Variants in C8A observed in about 807,000 individuals in gnomAD.
C8A encodes the protein complement component C8 alpha chain.
A neutral mutation model predicts 65.3 loss-of-function variants in C8A; 67 were observed. The observed-to-expected ratio is 1.03, with a 90% CI of 0.84 to 1.26. The LOEUF (loss-of-function observed/expected upper bound fraction) is 1.26, where lower values mean the gene tolerates loss of function less well. Ranked by LOEUF, C8A falls within the 50% of genes most tolerant of loss-of-function variation. The pLI is 0.00. For synonymous variants in C8A, 290 were observed against 259.4 expected (o/e 1.12, Z -1.13); for missense variants, 781 against 723.9 (o/e 1.08, Z -0.90).
At chr1:56,878,049 C>T (rs591916) in intron 4 of C8A, among the ~76,000 whole-genome samples, 3,718 of 152,250 alleles carry the variant, frequency 0.024, 131 homozygotes, top group East Asian at 0.16. Context: ...AGTCTGAAGT[C>T]AGGGTGTCAG....
Position 56,917,621 on chromosome 1 carries a change from G to A in C8A, c.1660G>A (p.Gly554Ser). ...CWSSWSVCRA[G>S]IQERRRECDN... is the part of the protein sequence containing the mutation. ...GAGCTCCTGGTCTGTATGCAGAGCA[G>A]GCATCCAGGAAAGGAGAAGAGAGTG... Residue 554 changes from glycine to serine, a missense_variant, in exon 11 of 11, where the codon GGC becomes AGC. Physicochemically the swap from Gly to Ser is moderately conservative, Grantham distance 56. Transcript: ENST00000361249. The A allele has an allele frequency of 1.9e-6, 3 of 1,614,156 alleles. No homozygotes were observed. The highest frequency in any genetic ancestry group is 2.5e-6 in the Non-Finnish European group (3 of 1,180,006).
At chr1:56,898,377 G>A (rs180813006) in intron 7 of C8A, among the ~76,000 whole-genome samples, 35 of 152,222 alleles carry the variant, frequency 2.3e-4, no homozygotes, top group Admixed American at 6.5e-4. Context: ...GCATTTCAGT[G>A]AGCATGCACA....
intron 2 of C8A, among the ~76,000 whole-genome samples, chr1:56,873,248 A>G (rs900730739): frequency 5.9e-5 from 9 of 152,230 alleles, no homozygotes; most frequent in African/African-American, 2.2e-4. Context: ...GATAACAGTA[A>G]CAATGTGAAA....
Position 56,912,506 on chromosome 1 carries a change from A to G in C8A, c.1484A>G (p.Asn495Ser), listed in dbSNP as rs1244010049. ...RALDQYLMEF[N>S]ACRCGPCFNN... The stretch of plus-strand genomic sequence containing the variant: ...TTGGACCAGTATCTGATGGAATTCA[A>G]TGCCTGCCGATGTGGGCCTTGCTTC... The change falls in exon 10 of 11, where the codon AAT becomes AGT. Residue 495 changes from asparagine to serine, a missense_variant. Asn to Ser is a conservative substitution (Grantham distance 46). Transcript: ENST00000361249. 1.2e-6 allele frequency: 2 copies of G among 1,614,202 alleles called. No homozygotes were observed. Among genetic ancestry groups the G allele is most frequent in the Non-Finnish European group, 8.5e-7 (1 of 1,180,018 alleles).
chr1:56,913,453 T>A (rs1297816982), intron 10 of C8A, among the ~76,000 whole-genome samples: 1 of 152,210 alleles, frequency 6.6e-6, no homozygotes, highest in Non-Finnish European at 1.5e-5. Context: ...GGAAGAAAGT[T>A]ATCAAACAAG....
chr1:56,876,258 C>T (rs752040332), intron 4 of C8A, 49 bp downstream of exon 4: 1 of 1,609,776 alleles, frequency 6.2e-7, no homozygotes, highest in South Asian at 1.1e-5. Flanking sequence ...GATTTGTCTT[C>T]AATCGTGAGC....
chr1:56,911,155 C>T (rs920744866), intron 9 of C8A, among the ~76,000 whole-genome samples: 9 of 150,310 alleles, frequency 6.0e-5, no homozygotes, highest in African/African-American at 1.7e-4. Context: ...TAGTATCTCA[C>T]ATTCAGTACT....
At chr1:56,898,153 T>A (rs2101278505) in intron 7 of C8A, among the ~76,000 whole-genome samples, 1 of 152,184 alleles carries the variant, frequency 6.6e-6, no homozygotes. Context: ...CCAGATTCAC[T>A]CAAAGGTTGG....
chr1:56,875,022 C>T lies in C8A; in HGVS notation c.245C>T (p.Ala82Val). The change falls in exon 3 of 11, where the codon GCC becomes GTC. Residue 82 changes from alanine (A) to valine (V), a missense_variant. Transcript: ENST00000361249. ...TICSGDIWDQ[A>V]SCSSSTTCVR... ...TGCAGTGGTGACATCTGGGATCAAG[C>T]CAGCTGCTCCAGTTCTACAACTTGT... The T allele has an allele frequency of 1.2e-6, 2 of 1,613,752 alleles. No individual in the cohort carries two copies. Among genetic ancestry groups the T allele is most frequent in the Non-Finnish European group, 1.7e-6 (2 of 1,179,792 alleles).
At position 56,881,558 on chromosome 1, in the gene C8A, C is replaced by T. The variant is rs1361838863; in HGVS notation, c.578C>T (p.Thr193Ile). The T allele has an allele frequency of 1.2e-6, 2 of 1,613,750 alleles. No individual in the cohort carries two copies. Among genetic ancestry groups the T allele is most frequent in the Admixed American group, 1.7e-5 (1 of 59,982 alleles). Residue 193 changes from threonine to isoleucine, a missense_variant, in exon 5 of 11, where the codon ACC becomes ATC. By Grantham distance (89) the Thr-to-Ile change is moderately conservative. Coordinates refer to ENST00000361249, the MANE Select transcript of C8A (RefSeq NM_000562.3). ...GEWRELRYDS[T>I]CERLYYGDDE... ...TGGAGGGAGCTTCGATATGACTCCACCTGTGAACGTCTCTACTATGGAGAT... is the reference window on the plus strand; with the variant it reads ...TGGAGGGAGCTTCGATATGACTCCATCTGTGAACGTCTCTACTATGGAGAT...
At chr1:56,878,207 T>C (rs2101224064) in intron 4 of C8A, among the ~76,000 whole-genome samples, 1 of 152,242 alleles carries the variant, frequency 6.6e-6, no homozygotes, top group Admixed American at 6.5e-5. Flanking sequence ...CAGCCCACCA[T>C]AATGACCTCA....
chr1:56,866,168 A>G (rs1424829587), intron 1 of C8A, among the ~76,000 whole-genome samples: 1 of 152,234 alleles, frequency 6.6e-6, no homozygotes, highest in Non-Finnish European at 1.5e-5. Flanking sequence ...TTTTCTTCAT[A>G]GATTTCAACC....
At chr1:56,880,242 G>A (rs1438407020) in intron 4 of C8A, among the ~76,000 whole-genome samples, 1 of 151,934 alleles carries the variant, frequency 6.6e-6, no homozygotes, top group African/African-American at 2.4e-5. Context: ...ACCTGAATAT[G>A]GTAAAACCAT....
In C8A at chr1:56,874,851, T is replaced by C. The variant is rs993638042; in HGVS notation, c.172-98T>C. 11 of 1,322,948 alleles carry C rather than the reference T, an allele frequency of 8.3e-6. No individual in the cohort carries two copies. The African/African-American group carries it at 1.2e-4, about 14-fold the overall frequency. 82.0% of individuals were successfully genotyped at this position (1,322,948 alleles called of 1,614,324 possible). ...TCACAGGCAGGTCTCAATCATTAGATAATTATTTCTTATGTTGAGCCGAAA... is the reference window on the plus strand; with the variant it reads ...TCACAGGCAGGTCTCAATCATTAGACAATTATTTCTTATGTTGAGCCGAAA... On this transcript the variant is annotated intron_variant, in intron 2 of 10. Coordinates refer to ENST00000361249, the MANE Select transcript of C8A (RefSeq NM_000562.3).
intron 5 of C8A, among the ~76,000 whole-genome samples, chr1:56,881,918 C>A (rs1644252036): frequency 6.6e-6 from 1 of 152,126 alleles, no homozygotes; most frequent in African/African-American, 2.4e-5. Flanking sequence ...CAACCTATTT[C>A]TAAGTTGTGG....
chr1:56,910,328 C>CT (rs1293569657), intron 9 of C8A, among the ~76,000 whole-genome samples: 1 of 152,156 alleles, frequency 6.6e-6, no homozygotes, highest in Non-Finnish European at 1.5e-5. Flanking sequence ...ACCTCTGAGT[C>CT]TTTTTTCTCA....
chr1:56,906,351 G>A (rs1301465488), intron 7 of C8A, among the ~76,000 whole-genome samples: 1 of 152,154 alleles, frequency 6.6e-6, no homozygotes, highest in Non-Finnish European at 1.5e-5. Context: ...CACTGAGGTA[G>A]GCATGGGGGC....
intron 4 of C8A, among the ~76,000 whole-genome samples, chr1:56,880,718 AC>A: frequency 6.6e-6 from 1 of 152,292 alleles, no homozygotes; most frequent in African/African-American, 2.4e-5. Flanking sequence ...TATACTTAAT[AC>A]TAACAATTGC....
At chr1:56,910,492 G>T (rs766394312) in intron 9 of C8A, among the ~76,000 whole-genome samples, 3 of 152,184 alleles carry the variant, frequency 2.0e-5, no homozygotes, top group African/African-American at 7.2e-5. Context: ...GGAGAGATCT[G>T]AGGTGGGGAA....
Sources: allele counts gnomAD v4.1 joint callset (sites outside exome capture counted in the v4.1 genomes callset), GRCh38; gene constraint gnomAD v4.1.1; transcripts MANE v1.5; gene names NCBI Gene and HGNC (gene_info 2026-07-23, HGNC 2026-07-21).